The following NOL4 variants were observed in gnomAD, a reference collection of about 807,000 sequenced individuals.
NOL4 encodes the protein nucleolar protein 4, also known as cancer/testis antigen 125.
In NOL4, 17 loss-of-function variants were observed where a neutral mutation model predicts 75.9. That is an observed-to-expected ratio of 0.22 (90% confidence interval 0.15 to 0.34). The LOEUF is 0.34. Ranked by LOEUF, NOL4 falls within the 10% of genes least tolerant of loss-of-function variation. The pLI is 1.00. For missense variants in NOL4, 614 were observed against 793.5 expected (o/e 0.77, Z 2.72); for synonymous variants, 292 against 289.9 (o/e 1.01, Z -0.07).
At position 34,200,644 on chromosome 18, in the gene NOL4, T is replaced by C. The variant is rs549517589; in HGVS notation, c.264+22346A>G. ...CCAATGAGCCACTCTGAAAAAATAA[T>C]ATATTCATATATTACATACAATATC... is the stretch of plus-strand genomic sequence containing the variant. On this transcript the variant is annotated intron_variant, in intron 1 of 10. Coordinates refer to ENST00000261592, the MANE Select transcript of NOL4 (RefSeq NM_003787.5). Among the ~76,000 whole-genome samples the C allele has an allele frequency of 7.9e-5, 12 of 151,886 alleles. No homozygotes were observed. In the East Asian group the frequency reaches 2.3e-3, roughly 29 times the overall value.
At chr18:33,984,174 T>A (rs1185309993) in intron 6 of NOL4, among the ~76,000 whole-genome samples, 7 of 152,126 alleles carry the variant, frequency 4.6e-5, no homozygotes, top group Admixed American at 4.6e-4. Context: ...ATTATTTCTT[T>A]ACCAACAAAC....
At position 33,888,003 on chromosome 18, in the gene NOL4, C is replaced by G. The variant is rs567059949; in HGVS notation, c.1543-4579G>C. ...CCCTGAGGAATCGCCACACTGTCTT[C>G]CACAATGGTTGAACTAGTTTACAGT... is the stretch of plus-strand genomic sequence containing the variant. On this transcript the variant is annotated intron_variant, in intron 9 of 10. Transcript: ENST00000261592. Among the ~76,000 whole-genome samples the G allele has an allele frequency of 6.6e-5, 10 of 152,300 alleles. No homozygotes were observed. The South Asian group carries it at 2.1e-3, about 32-fold the overall frequency.
At chr18:33,986,443 T>C (rs2072464043) in intron 6 of NOL4, among the ~76,000 whole-genome samples, 1 of 152,114 alleles carries the variant, frequency 6.6e-6, no homozygotes, top group Non-Finnish European at 1.5e-5. Context: ...ATAGTGTGGA[T>C]ACACTGGACA....
intron 7 of NOL4, 129 bp from the exon 8 acceptor site, chr18:33,957,646 A>G: frequency 1.6e-6 from 1 of 616,408 alleles, no homozygotes; most frequent in Non-Finnish European, 2.6e-6. Context: ...TTTGCAATGG[A>G]AAGCCAGAAA....
intron 9 of NOL4, among the ~76,000 whole-genome samples, chr18:33,893,916 G>A (rs1329427093): frequency 6.6e-6 from 1 of 152,008 alleles, no homozygotes; most frequent in Non-Finnish European, 1.5e-5. Context: ...GTAAACAAGT[G>A]GATAATGAAG....
intron 9 of NOL4, among the ~76,000 whole-genome samples, chr18:33,930,786 T>C (rs1375267456): frequency 6.6e-6 from 1 of 152,154 alleles, no homozygotes; most frequent in African/African-American, 2.4e-5. Flanking sequence ...TAATTTATGA[T>C]AGCTTTTGAA....
chr18:34,060,564 A>C (rs2077029762), intron 5 of NOL4, among the ~76,000 whole-genome samples: 1 of 152,166 alleles, frequency 6.6e-6, no homozygotes, highest in Admixed American at 6.5e-5. Flanking sequence ...TTGAAATATA[A>C]GTTTCAGGAG....
At chr18:33,917,929 T>C (rs1399873981) in intron 9 of NOL4, among the ~76,000 whole-genome samples, 1 of 152,228 alleles carries the variant, frequency 6.6e-6, no homozygotes, top group Non-Finnish European at 1.5e-5. Flanking sequence ...ACACATTTTA[T>C]GAACTGTGGG....
At chr18:34,190,415 TATAA>T (rs1033613089) in intron 1 of NOL4, among the ~76,000 whole-genome samples, 3 of 152,056 alleles carry the variant, frequency 2.0e-5, no homozygotes, top group African/African-American at 7.2e-5. Context: ...AATACTATTA[TATAA>T]ATAACTGTCA....
chr18:33,873,026 T>C (rs941477485), intron 10 of NOL4, among the ~76,000 whole-genome samples: 3 of 151,954 alleles, frequency 2.0e-5, no homozygotes, highest in African/African-American at 7.2e-5. Context: ...TCAGGTTTCA[T>C]TGGACCTCCT....
At chr18:34,204,593 C>T (rs1256203501) in intron 1 of NOL4, among the ~76,000 whole-genome samples, 1 of 152,018 alleles carries the variant, frequency 6.6e-6, no homozygotes, top group East Asian at 1.9e-4. Context: ...CCCTACTGTG[C>T]CTTTAGCCAG....
intron 9 of NOL4, among the ~76,000 whole-genome samples, chr18:33,912,242 T>C (rs1272051317): frequency 6.6e-6 from 1 of 152,084 alleles, no homozygotes; most frequent in Non-Finnish European, 1.5e-5. Context: ...CTCAATCTTT[T>C]TGTAAATCTA....
intron 5 of NOL4, among the ~76,000 whole-genome samples, chr18:34,025,496 T>C (rs996165643): frequency 5.3e-5 from 8 of 152,162 alleles, no homozygotes; most frequent in African/African-American, 1.7e-4. Context: ...CTGGGAAGAA[T>C]TGTCAAAACC....
intron 6 of NOL4, among the ~76,000 whole-genome samples, chr18:34,018,678 T>C (rs11081835): frequency 0.14 from 21,985 of 152,134 alleles, 1,669 homozygotes; most frequent in Middle Eastern, 0.23. Context: ...AAAAGTCAGC[T>C]GGGAATGGGA....
chr18:34,052,765 C>A (rs982125386), intron 5 of NOL4, among the ~76,000 whole-genome samples: 1 of 151,880 alleles, frequency 6.6e-6, no homozygotes, highest in African/African-American at 2.4e-5. Flanking sequence ...CAGAATGCTA[C>A]GAGAGAATCT....
At chr18:33,948,161 G>A (rs1281286350) in intron 8 of NOL4, among the ~76,000 whole-genome samples, 1 of 152,068 alleles carries the variant, frequency 6.6e-6, no homozygotes, top group Admixed American at 6.6e-5. Flanking sequence ...TTAATGTGAA[G>A]CTTAATCAAG....
chr18:33,883,440 G>T lies in NOL4; in HGVS notation c.1543-16C>A, dbSNP rs763196126. The T allele has an allele frequency of 3.1e-6, 5 of 1,588,680 alleles. No individual in the cohort carries two copies. The Admixed American group carries it at 9.0e-5, about 29-fold the overall frequency. On this transcript the variant is annotated splice_polypyrimidine_tract_variant and intron_variant, in intron 9 of 10. Transcript: ENST00000261592. ...CAGACTCATCCTGCAAGGACAGACAGCATTCCATTATTTATCACCTCACAG... is the reference window on the plus strand; with the variant it reads ...CAGACTCATCCTGCAAGGACAGACATCATTCCATTATTTATCACCTCACAG...
At chr18:33,898,265 C>A (rs34251553) in intron 9 of NOL4, among the ~76,000 whole-genome samples, 2,581 of 152,232 alleles carry the variant, frequency 0.017, 34 homozygotes, top group Middle Eastern at 0.027. Context: ...ACAACATTCT[C>A]TTTTGGTAAA....
At chr18:34,167,532 T>TTAGATAGATAGATAGA (rs71159861) in intron 1 of NOL4, among the ~76,000 whole-genome samples, 20,047 of 149,798 alleles carry the variant, frequency 0.13, 1,511 homozygotes, top group Admixed American at 0.21. Context: ...CCTCAAATAA[T>TTAGATAGATAGATAGA]TAGATAGATA....
Sources: allele counts gnomAD v4.1 joint callset (sites outside exome capture counted in the v4.1 genomes callset), GRCh38; gene constraint gnomAD v4.1.1; transcripts MANE v1.5; gene names NCBI Gene and HGNC (gene_info 2026-07-23, HGNC 2026-07-21).